The following SDC2 variants were observed in gnomAD, a reference collection of about 807,000 sequenced individuals.
SDC2 encodes the protein syndecan 2.
In SDC2, 13 loss-of-function variants were observed where a neutral mutation model predicts 22.2. The ratio of observed to expected loss-of-function variants is 0.59; its 90% CI spans 0.38 to 0.93. The LOEUF is 0.93. Ranked by LOEUF, SDC2 falls within the 40% of genes least tolerant of loss-of-function variation. SDC2 has a pLI of 0.00. For synonymous variants in SDC2, 94 were observed against 92.8 expected, an observed-to-expected ratio of 1.01 and a Z score of -0.07; for missense variants, 235 against 246.8, an observed-to-expected ratio of 0.95 and a Z score of 0.32.
chr8:96,495,821 G>A (rs1813065924), intron 1 of SDC2, among the ~76,000 whole-genome samples: 1 of 152,138 alleles, frequency 6.6e-6, no homozygotes, highest in African/African-American at 2.4e-5. Context: ...ATGTAGAATT[G>A]GAAACTGTAC....
chr8:96,557,684 G>C (rs1212027108), intron 1 of SDC2, among the ~76,000 whole-genome samples: 1 of 152,108 alleles, frequency 6.6e-6, no homozygotes, highest in Non-Finnish European at 1.5e-5. Flanking sequence ...TAGATGACGA[G>C]TTAGTGGGTG....
chr8:96,605,382 A>G (rs557911230), intron 3 of SDC2, among the ~76,000 whole-genome samples: 2 of 152,308 alleles, frequency 1.3e-5, no homozygotes, highest in South Asian at 2.1e-4. Flanking sequence ...AGGTCTCTAG[A>G]CTAGAACCCA....
chr8:96,502,744 C>T (rs909868812), intron 1 of SDC2, among the ~76,000 whole-genome samples: 18 of 152,152 alleles, frequency 1.2e-4, no homozygotes, highest in Non-Finnish European at 2.4e-4. Context: ...TTTTAACCTT[C>T]TGGGCTCAGT....
At chr8:96,537,952 T>TGTTTGTTTG (rs55762050) in intron 1 of SDC2, among the ~76,000 whole-genome samples, 116 of 150,938 alleles carry the variant, frequency 7.7e-4, no homozygotes, top group East Asian at 4.9e-3. Context: ...ATGTTTTGTT[T>TGTTTGTTTG]TTTGTTTGTT....
intron 1 of SDC2, among the ~76,000 whole-genome samples, chr8:96,576,716 G>C (rs1814511481): frequency 6.6e-6 from 1 of 151,890 alleles, no homozygotes; most frequent in African/African-American, 2.4e-5. Flanking sequence ...ACCGCGCCCG[G>C]CCTATTCTCT....
intron 1 of SDC2, among the ~76,000 whole-genome samples, chr8:96,531,714 C>T (rs943759322): frequency 1.1e-4 from 16 of 152,140 alleles, no homozygotes; most frequent in Non-Finnish European, 1.6e-4. Flanking sequence ...ATTAGGAAAC[C>T]GTGGTTACTT....
chr8:96,574,117 G>A (rs770603822), intron 1 of SDC2, among the ~76,000 whole-genome samples: 29 of 145,970 alleles, frequency 2.0e-4, no homozygotes, highest in Non-Finnish European at 3.4e-4. Flanking sequence ...CACACACCCT[G>A]CACGGTGCTC....
chr8:96,529,838 GT>G (rs1277951457), intron 1 of SDC2, among the ~76,000 whole-genome samples: 1 of 141,028 alleles, frequency 7.1e-6, no homozygotes, highest in Non-Finnish European at 1.5e-5. Context: ...ATGGTTAGAA[GT>G]TCCGGTGCCC....
In SDC2 at chr8:96,565,387, T is replaced by G. The variant is rs141890417; in HGVS notation, c.61-28093T>G. On this transcript the variant is annotated intron_variant, in intron 1 of 4. Transcript: ENST00000302190. ...GGCGTGAGCCACCGCACCCAACCCC[T>G]AAATCTGATTTAATCTTTGATTCAG... 2.6e-3 allele frequency among the ~76,000 whole-genome samples: 400 copies of G among 152,182 alleles called. 2 individuals are homozygous for G. Among genetic ancestry groups the G allele is most frequent in the African/African-American group, 9.3e-3 (385 of 41,536 alleles).
At chr8:96,504,614 G>A (rs1813211226) in intron 1 of SDC2, among the ~76,000 whole-genome samples, 1 of 152,120 alleles carries the variant, frequency 6.6e-6, no homozygotes, top group Non-Finnish European at 1.5e-5. Context: ...CCCATAGTAG[G>A]TGATTTAAAC....
At chr8:96,569,199 G>A (rs1452332188) in intron 1 of SDC2, among the ~76,000 whole-genome samples, 2 of 152,176 alleles carry the variant, frequency 1.3e-5, no homozygotes, top group East Asian at 1.9e-4. Flanking sequence ...TGTAGAGACA[G>A]GGTCTCACTA....
At chr8:96,601,840 A>C (rs928570480) in intron 2 of SDC2, among the ~76,000 whole-genome samples, 1 of 149,544 alleles carries the variant, frequency 6.7e-6, no homozygotes, top group African/African-American at 2.5e-5. Flanking sequence ...GCTCACTGCA[A>C]CCTCCACCTC....
intron 1 of SDC2, among the ~76,000 whole-genome samples, chr8:96,520,177 A>G (rs760512479): frequency 1.3e-5 from 2 of 152,224 alleles, no homozygotes; most frequent in Non-Finnish European, 2.9e-5. Flanking sequence ...TATATATTGT[A>G]AAAAGCTCTC....
chr8:96,523,421 G>T (rs1271070899), intron 1 of SDC2, among the ~76,000 whole-genome samples: 1 of 152,198 alleles, frequency 6.6e-6, no homozygotes, highest in Non-Finnish European at 1.5e-5. Context: ...TGAGCATTAA[G>T]GTTGCCCCTA....
At position 96,564,655 on chromosome 8, in the gene SDC2, C is replaced by T. The variant is rs115170141; in HGVS notation, c.61-28825C>T. Among the ~76,000 whole-genome samples the T allele has an allele frequency of 5.5e-3, 843 of 152,146 alleles. 7 individuals are homozygous for T. The highest frequency in any genetic ancestry group is 0.018 in the African/African-American group (749 of 41,484). ...GTACCTATGATACGTTTTATTTGGGCGTATTTTCTTGTTTTCCTTACACAC... is the reference window on the plus strand; with the variant it reads ...GTACCTATGATACGTTTTATTTGGGTGTATTTTCTTGTTTTCCTTACACAC... On this transcript the variant is annotated intron_variant, in intron 1 of 4. Transcript: ENST00000302190.
At chr8:96,589,943 G>C (rs149754688) in intron 1 of SDC2, among the ~76,000 whole-genome samples, 51 of 152,346 alleles carry the variant, frequency 3.3e-4, no homozygotes, top group African/African-American at 1.2e-3. Flanking sequence ...AGACAAGTAT[G>C]TATCTTGCCT....
chr8:96,599,542 A>AT (rs33986089), intron 2 of SDC2, among the ~76,000 whole-genome samples: 93,128 of 151,992 alleles, frequency 0.61, 29,663 homozygotes, highest in African/African-American at 0.7. Flanking sequence ...AATGACCTAT[A>AT]TTTACGTAAC....
intron 1 of SDC2, among the ~76,000 whole-genome samples, chr8:96,576,105 C>CT (rs1814484601): frequency 6.6e-6 from 1 of 152,072 alleles, no homozygotes; most frequent in African/African-American, 2.4e-5. Flanking sequence ...ATCATGCAGT[C>CT]TTTTGTGGGC....
At chr8:96,517,799 GTGTA>G (rs757198391) in intron 1 of SDC2, among the ~76,000 whole-genome samples, 19,912 of 129,130 alleles carry the variant, frequency 0.15, 1,367 homozygotes, top group Non-Finnish European at 0.18. Flanking sequence ...GTGTGTGTGT[GTGTA>G]TATATATATG....
Sources: allele counts gnomAD v4.1 joint callset (sites outside exome capture counted in the v4.1 genomes callset), GRCh38; gene constraint gnomAD v4.1.1; transcripts MANE v1.5; gene names NCBI Gene and HGNC (gene_info 2026-07-23, HGNC 2026-07-21).